Variants in PIGZ observed in about 807,000 individuals in gnomAD.
PIGZ encodes the protein GPI alpha-1,2-mannosyltransferase 4.
In PIGZ, 16 loss-of-function variants were observed where a neutral mutation model predicts 16.4. The observed-to-expected ratio is 0.97, with a 90% CI of 0.66 to 1.48. The LOEUF (loss-of-function observed/expected upper bound fraction) is 1.48, where lower values mean the gene tolerates loss of function less well. PIGZ is among the 40% of genes most tolerant of loss of function. PIGZ has a pLI of 0.00. For synonymous variants in PIGZ, 409 were observed against 338.4 expected, an observed-to-expected ratio of 1.21 and a Z score of -2.29; for missense variants, 770 against 739.2, an observed-to-expected ratio of 1.04 and a Z score of -0.48.
At chr3:196,962,501 A>C (rs1254288168) in intron 1 of PIGZ, among the ~76,000 whole-genome samples, 1 of 152,146 alleles carries the variant, frequency 6.6e-6, no homozygotes, top group Non-Finnish European at 1.5e-5. Context: ...CTGAAAGAGG[A>C]AGGCCTCTTT....
chr3:196,947,472 G>T lies in PIGZ; in HGVS notation c.1425C>A (p.Leu475=). The T allele has an allele frequency of 1.9e-6, 3 of 1,613,646 alleles. No individual in the cohort carries two copies. Among genetic ancestry groups the T allele is most frequent in the Non-Finnish European group, 2.5e-6 (3 of 1,179,974 alleles). ...CCTCCACTGGTGCCCCCAGGCCTGGGAGGTGTAGGAGGTGCCGGGGGGGCA... is the reference window on the plus strand; with the variant it reads ...CCTCCACTGGTGCCCCCAGGCCTGGTAGGTGTAGGAGGTGCCGGGGGGGCA... ...TYMPPRHLLH[L]PGLGAPVEVV... Residue 475 remains leucine (L), a synonymous_variant, in exon 3 of 3, where the codon CTC becomes CTA. Transcript: ENST00000412723.
chr3:196,947,783 G>C lies in PIGZ; in HGVS notation c.1114C>G (p.Leu372Val), dbSNP rs1393973394. 9 of 1,608,752 alleles carry C rather than the reference G, an allele frequency of 5.6e-6. No homozygotes were observed. The highest frequency in any genetic ancestry group is 7.6e-6 in the Non-Finnish European group (9 of 1,177,124). The change falls in exon 3 of 3, where the codon CTC (leucine) becomes GTC (valine). Residue 372 changes from leucine to valine, a missense_variant. By Grantham distance (32) the Leu-to-Val change is conservative. Coordinates refer to ENST00000412723, the MANE Select transcript of PIGZ (RefSeq NM_025163.4). Reference sequence around the variant, plus strand: ...AGGGCCAGAGGCATGAAGTAGAGGAGAAGGAGATAGGACCTGGGGCTGGAC... The same window carrying C: ...AGGGCCAGAGGCATGAAGTAGAGGACAAGGAGATAGGACCTGGGGCTGGAC... ...LLSSPRSYLL[L>V]LYFMPLALLS...
Position 196,946,758 on chromosome 3 carries a change from A to G in PIGZ, c.*399T>C, listed in dbSNP as rs1225572073. The stretch of plus-strand genomic sequence containing the variant: ...GGTCTTAGGAAGCCAGAGGGTTGTC[A>G]TGACAGCAAGGGTAAGGCATCATGG... On this transcript the variant is annotated 3_prime_UTR_variant, in exon 3 of 3. Coordinates refer to ENST00000412723, the MANE Select transcript of PIGZ (RefSeq NM_025163.4). The G allele has an allele frequency of 6.0e-6, 1 of 165,848 alleles. No homozygotes were observed. Among genetic ancestry groups the G allele is most frequent in the Non-Finnish European group, 1.3e-5 (1 of 77,648 alleles). 10.3% of individuals were successfully genotyped at this position (165,848 alleles called of 1,614,324 possible). A position where few individuals can be genotyped will look rare whatever the true frequency, so the allele number is the denominator to read the frequency against.
chr3:196,949,046 CCCTT>C (rs796601795), intron 2 of PIGZ, among the ~76,000 whole-genome samples: 1,144 of 24,356 alleles, frequency 0.047, 426 homozygotes, highest in African/African-American at 0.29. Flanking sequence ...TTCCTTCCTT[CCCTT>C]CCCTTCCTTC....
At chr3:196,953,090 T>C (rs914337273) in intron 1 of PIGZ, among the ~76,000 whole-genome samples, 1 of 152,220 alleles carries the variant, frequency 6.6e-6, no homozygotes, top group African/African-American at 2.4e-5. Flanking sequence ...AGGTGTCAGA[T>C]TGTGGGACTT....
intron 1 of PIGZ, among the ~76,000 whole-genome samples, chr3:196,960,162 G>A (rs1313035412): frequency 6.6e-6 from 1 of 152,170 alleles, no homozygotes; most frequent in African/African-American, 2.4e-5. Context: ...AGGAGTGGTC[G>A]CTCCTTTATG....
In PIGZ at chr3:196,947,886, C is replaced by T. The variant is rs200276317; in HGVS notation, c.1011G>A (p.Ala337=). The T allele has an allele frequency of 5.9e-4, 955 of 1,613,938 alleles. No homozygotes were observed. Among genetic ancestry groups the T allele is most frequent in the Non-Finnish European group, 7.7e-4 (905 of 1,179,910 alleles). The change falls in exon 3 of 3, where the codon GCG becomes GCA. Residue 337 remains alanine (A), a synonymous_variant. Coordinates refer to ENST00000412723, the MANE Select transcript of PIGZ (RefSeq NM_025163.4). ...GVLHAQALQA[A]WQRLQVGLQA... is the part of the protein sequence containing the mutation. ...GGAGGCCGACTTGCAGCCGTTGCCACGCAGCCTGCAGGGCCTGGGCATGCA... is the reference window on the plus strand; with the variant it reads ...GGAGGCCGACTTGCAGCCGTTGCCATGCAGCCTGCAGGGCCTGGGCATGCA...
At position 196,951,810 on chromosome 3, in the gene PIGZ, C is replaced by T. The variant is rs200003917; in HGVS notation, c.211+11G>A. 1.9e-5 allele frequency: 31 copies of T among 1,613,772 alleles called. 1 individual carries two copies. Among genetic ancestry groups the T allele is most frequent in the African/African-American group, 1.5e-4 (11 of 75,012 alleles). ...CTGCAGCTTGTCTCAGCCACACATGCGGAGTTTTACCTGCCATCACCTCAG... is the reference window on the plus strand; with the variant it reads ...CTGCAGCTTGTCTCAGCCACACATGTGGAGTTTTACCTGCCATCACCTCAG... On this transcript the variant is annotated intron_variant, in intron 2 of 2. Transcript: ENST00000412723.
At chr3:196,958,772 T>C (rs1421283376) in intron 1 of PIGZ, among the ~76,000 whole-genome samples, 4 of 152,246 alleles carry the variant, frequency 2.6e-5, no homozygotes, top group Admixed American at 2.0e-4. Flanking sequence ...GAAATAGTCA[T>C]GTTGAGAGTT....
chr3:196,947,940 T>C lies in PIGZ; in HGVS notation c.957A>G (p.Ala319=). 3 of 1,613,552 alleles carry C rather than the reference T, an allele frequency of 1.9e-6. No individual in the cohort carries two copies. Among genetic ancestry groups the C allele is most frequent in the Non-Finnish European group, 2.5e-6 (3 of 1,179,714 alleles). ...CCCCGAAGAGCAGGAAGCCGTTGAC[T>C]GCCAGGTGAGTGAGCCGCGCGTGCG... ...HGTHARLTHL[A]VNGFLLFGVL... is the part of the protein sequence containing the mutation. Residue 319 remains alanine (A), a synonymous_variant, in exon 3 of 3, where the codon GCA becomes GCG. Transcript: ENST00000412723.
Position 196,947,541 on chromosome 3 carries a change from T to A in PIGZ, c.1356A>T (p.Pro452=), listed in dbSNP as rs149119809. The A allele has an allele frequency of 3.1e-6, 5 of 1,613,484 alleles. No homozygotes were observed. In the African/African-American group the frequency reaches 5.3e-5, roughly 17 times the overall value. ...GGAGTGTGTAGTGGGTGGGTGTGCT[T>A]GGGAGCACAGGGGCATGGACCACCT... The part of the protein sequence containing the change: ...LEQVVHAPVL[P]STPTHYTLLF... Residue 452 remains proline (P), a synonymous_variant, in exon 3 of 3, where the codon CCA becomes CCT. Transcript: ENST00000412723.
rs1440155997 is a variant in PIGZ, at chr3:196,948,303, C to G, written c.594G>C (p.Trp198Cys). ...GCGCCGGCTCCTTGCGTGTAGGGCC[C>G]CACGTTACATGGGAGGATACCAGCA... is the stretch of plus-strand genomic sequence containing the variant. ...LLVLVSSHVT[W>C]GPTRKEPAPG... The change falls in exon 3 of 3, where the codon TGG becomes TGC. Residue 198 changes from tryptophan (W) to cysteine (C), a missense_variant. Trp to Cys is a radical substitution (Grantham distance 215, BLOSUM62 -2). Transcript: ENST00000412723. 6.2e-7 allele frequency: 1 copy of G among 1,614,138 alleles called. No homozygotes were observed.
rs1577878733 is a variant in PIGZ at position 196,948,211 on chromosome 3, G to A, written c.686C>T (p.Thr229Ile). 1.2e-6 allele frequency: 2 copies of A among 1,614,202 alleles called. No individual in the cohort carries two copies. The highest frequency in any genetic ancestry group is 4.5e-5 in the East Asian group (2 of 44,888). The change falls in exon 3 of 3, where the codon ACC becomes ATC. Residue 229 changes from threonine (T) to isoleucine (I), a missense_variant. By Grantham distance (89) the Thr-to-Ile change is moderately conservative. Coordinates refer to ENST00000412723, the MANE Select transcript of PIGZ (RefSeq NM_025163.4). ...IVAAGFFNRP[T>I]FLAFAVVPLY... is the part of the protein sequence containing the mutation. ...GGGGACCACAGCAAAGGCCAGAAAG[G>A]TGGGCCGGTTGAAGAAGCCAGCAGC...
At chr3:196,962,479 TGAG>T (rs1717757675) in intron 1 of PIGZ, among the ~76,000 whole-genome samples, 1 of 152,146 alleles carries the variant, frequency 6.6e-6, no homozygotes, top group African/African-American at 2.4e-5. Context: ...AGGTCTGTGC[TGAG>T]GAGGATTACT....
In PIGZ at chr3:196,948,876, C is replaced by T. The variant is rs1459604334; in HGVS notation, c.212-191G>A. On this transcript the variant is annotated intron_variant, in intron 2 of 2. Transcript: ENST00000412723. ...TTCTTTCCCTTCCTTCCCTTCCTTC[C>T]TTCCCTTCCTTCCCCTTCCTTCCCT... 6.9e-4 allele frequency among the ~76,000 whole-genome samples: 41 copies of T among 59,674 alleles called. 9 individuals are homozygous for T. The highest frequency in any genetic ancestry group is 2.9e-3 in the African/African-American group (37 of 12,758). 39.1% of individuals were successfully genotyped at this position (59,674 alleles called of 152,430 possible).
intron 1 of PIGZ, among the ~76,000 whole-genome samples, chr3:196,962,045 G>A (rs1717741962): frequency 6.6e-6 from 1 of 152,088 alleles, no homozygotes; most frequent in Admixed American, 6.6e-5. Context: ...GGTCTGTATG[G>A]GGAAAAGAAA....
At position 196,948,246 on chromosome 3, in the gene PIGZ, T is replaced by C. The variant is rs750379393; in HGVS notation, c.651A>G (p.Gly217=). The change falls in exon 3 of 3, where the codon GGA becomes GGG. Residue 217 remains glycine (G), a synonymous_variant. Transcript: ENST00000412723. ...TGAAGAAGCCAGCAGCCACAATGCC[T>C]CCAAGAAGCCAGCTGCGCCACCGTG... ...PGPRWRSWLL[G]GIVAAGFFNR... The C allele has an allele frequency of 3.7e-6, 6 of 1,613,868 alleles. No homozygotes were observed. In the African/African-American group the frequency reaches 6.7e-5, roughly 18 times the overall value.
chr3:196,966,283 A>G (rs1173876860), intron 1 of PIGZ, among the ~76,000 whole-genome samples: 3 of 152,206 alleles, frequency 2.0e-5, no homozygotes, highest in Admixed American at 2.0e-4. Context: ...CTGAACCCCA[A>G]TTTATACCTC....
chr3:196,952,159 A>G lies in PIGZ; in HGVS notation c.1-128T>C. Reference sequence around the variant, plus strand: ...AATAATAATAGCTACTTCATACTCTATGCCCACTAACTGCCAGGCACGTGA... The same window carrying G: ...AATAATAATAGCTACTTCATACTCTGTGCCCACTAACTGCCAGGCACGTGA... On this transcript the variant is annotated intron_variant, in intron 1 of 2. Transcript: ENST00000412723. 3 of 901,478 alleles carry G rather than the reference A, an allele frequency of 3.3e-6. No individual in the cohort carries two copies. In the East Asian group the frequency reaches 7.9e-5, roughly 24 times the overall value. 55.8% of individuals were successfully genotyped at this position (901,478 alleles called of 1,614,324 possible).
Sources: gnomAD v4.1 joint callset for allele counts (sites outside exome capture counted in the v4.1 genomes callset) on GRCh38, gnomAD v4.1.1 for gene constraint, MANE v1.5 for transcripts, NCBI Gene and HGNC (gene_info 2026-07-23, HGNC 2026-07-21) for gene names.